Variants in SUSD5 observed in about 807,000 individuals in gnomAD.
The protein encoded by SUSD5 is sushi domain containing 5.
Under a neutral mutation model 29.5 loss-of-function variants are expected in SUSD5, and 33 were observed. The observed-to-expected ratio is 1.12, with a 90% CI of 0.85 to 1.49. SUSD5 has a LOEUF of 1.49. Among genes scored for constraint, SUSD5 ranks in the 40% most tolerant of loss-of-function variants. The pLI, the probability that SUSD5 is intolerant of heterozygous loss-of-function variation, is 0.00. For missense variants in SUSD5, 776 were observed against 800.6 expected, an observed-to-expected ratio of 0.97 and a Z score of 0.37; for synonymous variants, 308 against 325.3, an observed-to-expected ratio of 0.95 and a Z score of 0.57.
chr3:33,201,432 G>A (rs2032115198), intron 3 of SUSD5, among the ~76,000 whole-genome samples: 1 of 152,210 alleles, frequency 6.6e-6, no homozygotes, highest in African/African-American at 2.4e-5. Flanking sequence ...GGTGCTCATG[G>A]CCCCAGGCCA....
intron 4 of SUSD5, among the ~76,000 whole-genome samples, chr3:33,174,389 C>G (rs2031500096): frequency 6.6e-6 from 1 of 152,122 alleles, no homozygotes; most frequent in African/African-American, 2.4e-5. Flanking sequence ...TTGCAACAAC[C>G]CACAGAATAG....
intron 4 of SUSD5, among the ~76,000 whole-genome samples, chr3:33,166,335 T>G (rs1340203295): frequency 6.6e-6 from 1 of 152,206 alleles, no homozygotes; most frequent in East Asian, 1.9e-4. Flanking sequence ...AAATGAAAGG[T>G]ATATATGATA....
At chr3:33,206,412 A>AGTGTGTGTGT (rs5847777) in intron 3 of SUSD5, among the ~76,000 whole-genome samples, 1 of 148,566 alleles carries the variant, frequency 6.7e-6, no homozygotes, top group Non-Finnish European at 1.5e-5. Flanking sequence ...AATTTACTTG[A>AGTGTGTGTGT]GTGTGTGTGT....
chr3:33,162,354 G>C (rs2031208077), intron 4 of SUSD5, among the ~76,000 whole-genome samples: 1 of 151,996 alleles, frequency 6.6e-6, no homozygotes, highest in Admixed American at 6.6e-5. Flanking sequence ...AAGAAGAAAG[G>C]CTGAAAAATC....
At chr3:33,209,623 CCTTTT>C (rs559256219) in intron 2 of SUSD5, among the ~76,000 whole-genome samples, 30 of 149,856 alleles carry the variant, frequency 2.0e-4, no homozygotes, top group South Asian at 1.3e-3. Context: ...TTCCTTCCTT[CCTTTT>C]CTTTTCTTTC....
At chr3:33,196,298 T>C (rs532913163) in intron 3 of SUSD5, among the ~76,000 whole-genome samples, 9 of 152,268 alleles carry the variant, frequency 5.9e-5, no homozygotes, top group Middle Eastern at 3.4e-3. Context: ...ACTACTGACA[T>C]AGCAATAATG....
chr3:33,193,941 A>G (rs750835565), intron 3 of SUSD5, among the ~76,000 whole-genome samples: 10 of 152,216 alleles, frequency 6.6e-5, no homozygotes, highest in Non-Finnish European at 1.3e-4. Flanking sequence ...AGTGGCCACA[A>G]GATTAGAAAT....
intron 4 of SUSD5, among the ~76,000 whole-genome samples, chr3:33,172,005 G>C (rs1332643230): frequency 6.6e-6 from 1 of 152,150 alleles, no homozygotes; most frequent in Non-Finnish European, 1.5e-5. Flanking sequence ...CTAGGATCCT[G>C]CCAAATGATG....
At chr3:33,178,728 G>A (rs768353258) in intron 3 of SUSD5, among the ~76,000 whole-genome samples, 4 of 152,302 alleles carry the variant, frequency 2.6e-5, no homozygotes, top group East Asian at 1.9e-4. Flanking sequence ...GTGAGCCACC[G>A]CGCCTGGCCC....
Position 33,152,703 on chromosome 3 carries a change from C to T in SUSD5, c.*39G>A, listed in dbSNP as rs777623981. ...TCGTGTGATGTGTCACAGTTATTTT[C>T]CTCCCAAGTGGCTTTGGGAGAACCC... On this transcript the variant is annotated 3_prime_UTR_variant, in exon 5 of 5. Coordinates refer to ENST00000309558, the MANE Select transcript of SUSD5 (RefSeq NM_015551.2). 6.5e-7 allele frequency: 1 copy of T among 1,542,998 alleles called. No individual in the cohort carries two copies. The highest frequency in any genetic ancestry group is 8.8e-7 in the Non-Finnish European group (1 of 1,142,678).
Position 33,152,653 on chromosome 3 carries a change from A to C in SUSD5, c.*89T>G, listed in dbSNP as rs2030927154. 2 of 1,366,046 alleles carry C rather than the reference A, an allele frequency of 1.5e-6. No homozygotes were observed. Among genetic ancestry groups the C allele is most frequent in the South Asian group, 2.9e-5 (2 of 68,076 alleles). 84.6% of individuals were successfully genotyped at this position (1,366,046 alleles called of 1,614,324 possible). A position where few individuals can be genotyped will look rare whatever the true frequency, so the allele number is the denominator to read the frequency against. ...AGGAAAAAATGATGAGCCTCAGTCCACCTGCGTCATGCTCTAGTGAATTAT... is the reference window on the plus strand; with the variant it reads ...AGGAAAAAATGATGAGCCTCAGTCCCCCTGCGTCATGCTCTAGTGAATTAT... On this transcript the variant is annotated 3_prime_UTR_variant, in exon 5 of 5. Transcript: ENST00000309558.
chr3:33,196,389 G>C (rs1296578368), intron 3 of SUSD5, among the ~76,000 whole-genome samples: 1 of 152,224 alleles, frequency 6.6e-6, no homozygotes, highest in African/African-American at 2.4e-5. Flanking sequence ...GATTCTTGGG[G>C]TTGGGCTATG....
rs2125611622 is a variant in SUSD5, at chr3:33,152,413, C to A, written c.*329G>T. 4.1e-6 allele frequency: 1 copy of A among 245,888 alleles called. No homozygotes were observed. The highest frequency in any genetic ancestry group is 9.1e-5 in the East Asian group (1 of 10,938). 15.2% of individuals were successfully genotyped at this position (245,888 alleles called of 1,614,324 possible). On this transcript the variant is annotated 3_prime_UTR_variant, in exon 5 of 5. Coordinates refer to ENST00000309558, the MANE Select transcript of SUSD5 (RefSeq NM_015551.2). ...CCAGCCTGGGCAACAGCATGAGACT[C>A]TGTCTCAAAAAAAAAAAGATAATAC...
At position 33,150,437 on chromosome 3, in the gene SUSD5, A is replaced by G. The variant is rs973964439; in HGVS notation, c.*2305T>C. The G allele has an allele frequency of 6.6e-6, 1 of 152,142 alleles. No homozygotes were observed. The highest frequency in any genetic ancestry group is 6.5e-5 in the Admixed American group (1 of 15,278). 9.4% of individuals were successfully genotyped at this position (152,142 alleles called of 1,614,324 possible). A position where few individuals can be genotyped will look rare whatever the true frequency, so the allele number is the denominator to read the frequency against. ...CAATGTTCTGGGTTATTCCACAATAATAGTTGCTAACACAGTCCCAATGCT... is the reference window on the plus strand; with the variant it reads ...CAATGTTCTGGGTTATTCCACAATAGTAGTTGCTAACACAGTCCCAATGCT... On this transcript the variant is annotated 3_prime_UTR_variant, in exon 5 of 5. Transcript: ENST00000309558.
At chr3:33,192,980 A>C (rs1265325484) in intron 3 of SUSD5, among the ~76,000 whole-genome samples, 2 of 138,494 alleles carry the variant, frequency 1.4e-5, no homozygotes, top group African/African-American at 5.3e-5. Context: ...TGATGTTTCC[A>C]GTCTTTTGCA....
rs769943608 is a variant in SUSD5 at position 33,153,204 on chromosome 3, G to C, written c.1428C>G (p.Phe476Leu). 34 of 1,613,714 alleles carry C rather than the reference G, an allele frequency of 2.1e-5. No homozygotes were observed. Among genetic ancestry groups the C allele is most frequent in the Non-Finnish European group, 2.7e-5 (32 of 1,179,854 alleles). The change falls in exon 5 of 5, where the codon TTC becomes TTG. Residue 476 changes from phenylalanine (F) to leucine (L), a missense_variant. Transcript: ENST00000309558. ...TKYQSTLPWR[F>L]ITEESPMATL... ...TGGCCATGGGAGATTCCTCTGTGAT[G>C]AATCTCCAGGGTAGAGTTGACTGGT... is the stretch of plus-strand genomic sequence containing the variant.
intron 4 of SUSD5, among the ~76,000 whole-genome samples, chr3:33,160,732 T>A (rs536317339): frequency 7.2e-5 from 11 of 152,232 alleles, no homozygotes; most frequent in African/African-American, 2.4e-4. Flanking sequence ...TGTAGCATCA[T>A]GACAGAACTA....
chr3:33,192,417 A>G (rs1441311165), intron 3 of SUSD5, among the ~76,000 whole-genome samples: 3 of 151,890 alleles, frequency 2.0e-5, no homozygotes, highest in Non-Finnish European at 4.4e-5. Context: ...TTAATTGGCA[A>G]GAGAGTTGAA....
chr3:33,202,784 G>C (rs979708780), intron 3 of SUSD5, among the ~76,000 whole-genome samples: 6 of 152,178 alleles, frequency 3.9e-5, no homozygotes, highest in Non-Finnish European at 8.8e-5. Flanking sequence ...GAAATTCACT[G>C]TCAGTGAAAC....
Sources: allele counts gnomAD v4.1 joint callset (sites outside exome capture counted in the v4.1 genomes callset), GRCh38; gene constraint gnomAD v4.1.1; transcripts MANE v1.5; gene names NCBI Gene and HGNC (gene_info 2026-07-23, HGNC 2026-07-21).